The following DYM variants were observed in gnomAD, a reference collection of about 807,000 sequenced individuals.
DYM encodes the protein dyggve-Melchior-Clausen syndrome protein.
DYM carries 78 observed loss-of-function variants against 93.1 expected under a neutral mutation model. That is an observed-to-expected ratio of 0.84 (90% confidence interval 0.70 to 1.01). DYM has a LOEUF of 1.01. Among genes scored for constraint, DYM ranks in the 50% least tolerant of loss-of-function variants. DYM has a pLI of 0.00. For missense variants in DYM, 789 were observed against 845.0 expected (o/e 0.93, Z 0.82); for synonymous variants, 321 against 319.7 (o/e 1.00, Z -0.04).
intron 1 of DYM, among the ~76,000 whole-genome samples, chr18:49,455,979 A>G (rs951042359): frequency 1.3e-5 from 2 of 151,660 alleles, no homozygotes; most frequent in African/African-American, 4.8e-5. Flanking sequence ...CTAATTCCCT[A>G]CCCAATCTCC....
At chr18:49,256,073 G>C (rs1158794634) in intron 13 of DYM, among the ~76,000 whole-genome samples, 1 of 114,614 alleles carries the variant, frequency 8.7e-6, no homozygotes, top group Non-Finnish European at 1.7e-5. Flanking sequence ...GACAGAGCGA[G>C]ACTCCATCTC....
intron 6 of DYM, among the ~76,000 whole-genome samples, chr18:49,347,084 T>A (rs1057336316): frequency 6.6e-6 from 1 of 152,202 alleles, no homozygotes; most frequent in African/African-American, 2.4e-5. Context: ...AAAATAGTTG[T>A]ATAGGTACTT....
chr18:49,448,128 T>C (rs2082254012), intron 1 of DYM, among the ~76,000 whole-genome samples: 1 of 152,234 alleles, frequency 6.6e-6, no homozygotes, highest in African/African-American at 2.4e-5. Flanking sequence ...GGCTTTATGC[T>C]GGTTCTGTAA....
At chr18:49,297,391 G>C (rs112184969) in intron 8 of DYM, among the ~76,000 whole-genome samples, 1,633 of 152,222 alleles carry the variant, frequency 0.011, 30 homozygotes, top group African/African-American at 0.038. Context: ...ATTAGAAGTT[G>C]GGATAGTGAT....
chr18:49,164,096 T>C (rs1490077095), intron 14 of DYM, among the ~76,000 whole-genome samples: 1 of 152,162 alleles, frequency 6.6e-6, no homozygotes, highest in Non-Finnish European at 1.5e-5. Context: ...ACCTGAGATG[T>C]AGACTATGAC....
At chr18:49,271,883 C>T (rs1043012756) in intron 11 of DYM, among the ~76,000 whole-genome samples, 1 of 151,246 alleles carries the variant, frequency 6.6e-6, no homozygotes, top group Non-Finnish European at 1.5e-5. Context: ...CAATTTCTGC[C>T]ACAATGAAAA....
intron 13 of DYM, among the ~76,000 whole-genome samples, chr18:49,213,771 T>G (rs1201470450): frequency 6.6e-6 from 1 of 152,198 alleles, no homozygotes; most frequent in Non-Finnish European, 1.5e-5. Context: ...AGAAAGCTCA[T>G]TAGTAGACCC....
At chr18:49,333,933 A>G in intron 6 of DYM, 80 bp from the exon 7 acceptor site, 1 of 1,401,926 alleles carries the variant, frequency 7.1e-7, no homozygotes, top group South Asian at 1.2e-5. Flanking sequence ...TATACATTTA[A>G]AAACTCAAAT....
intron 5 of DYM, among the ~76,000 whole-genome samples, chr18:49,369,012 A>AG (rs1327794015): frequency 2.6e-5 from 4 of 152,246 alleles, no homozygotes; most frequent in African/African-American, 9.6e-5. Flanking sequence ...TGCTGACTGA[A>AG]AGCGCGGTGT....
chr18:49,063,124 A>T (rs1167346484), intron 17 of DYM, among the ~76,000 whole-genome samples: 2 of 152,198 alleles, frequency 1.3e-5, no homozygotes, highest in Non-Finnish European at 2.9e-5. Context: ...AACAAATAAG[A>T]GAAAAAGCAC....
rs188901189 is a variant in DYM at position 49,420,292 on chromosome 18, C to G, written c.140+9963G>C. Among the ~76,000 whole-genome samples, 1,275 of 151,896 alleles carry G rather than the reference C, an allele frequency of 8.4e-3. 13 individuals carry two copies. Among genetic ancestry groups the G allele is most frequent in the Middle Eastern group, 0.071 (21 of 294 alleles). On this transcript the variant is annotated intron_variant, in intron 2 of 17. Coordinates refer to ENST00000675505, the MANE Select transcript of DYM (RefSeq NM_001353214.3). ...AAGTGACTCTCCTGCTTCAGCCTCC[C>G]GAGTAGCTGGGATTACAGGCGCCCG...
intron 1 of DYM, among the ~76,000 whole-genome samples, chr18:49,438,646 TC>T (rs575538508): frequency 0.015 from 2,216 of 152,162 alleles, 53 homozygotes; most frequent in African/African-American, 0.05. Flanking sequence ...GCCTAAGCCC[TC>T]ACTCCCACAG....
chr18:49,273,816 C>CTT lies in DYM; in HGVS notation c.1126-1515_1126-1514dup, dbSNP rs35929710. Among the ~76,000 whole-genome samples the CTT allele has an allele frequency of 9.0e-4, 124 of 137,288 alleles. 1 individual carries two copies. The East Asian group carries it at 0.01, about 11-fold the overall frequency. The allele number at this position is 137,288 out of a possible 152,430, so 90.1% of individuals were successfully genotyped here. ...CAACATGTGACTGTATATTTTATGCCTTTTTTTTTTTTTTTGGCTACGCCT... is the reference window on the plus strand; with the variant it reads ...CAACATGTGACTGTATATTTTATGCCTTTTTTTTTTTTTTTTTGGCTACGCCT... On this transcript the variant is annotated intron_variant, in intron 10 of 17. Transcript: ENST00000675505.
chr18:49,406,591 G>T (rs531013256), intron 2 of DYM, among the ~76,000 whole-genome samples: 1 of 152,136 alleles, frequency 6.6e-6, no homozygotes, highest in South Asian at 2.1e-4. Context: ...AAAGAAAGTG[G>T]CTATTACTTT....
At chr18:49,125,059 A>C (rs1244531891) in intron 15 of DYM, among the ~76,000 whole-genome samples, 1 of 152,200 alleles carries the variant, frequency 6.6e-6, no homozygotes, top group Non-Finnish European at 1.5e-5. Context: ...AGAGATCGAG[A>C]CCATCCTGGC....
intron 10 of DYM, among the ~76,000 whole-genome samples, chr18:49,273,606 C>T (rs2092027402): frequency 6.6e-6 from 1 of 152,088 alleles, no homozygotes; most frequent in South Asian, 2.1e-4. Context: ...GTTACAAGTG[C>T]CTGCAGTATT....
intron 17 of DYM, among the ~76,000 whole-genome samples, chr18:49,053,466 G>GA (rs931005994): frequency 3.1e-4 from 46 of 150,062 alleles, no homozygotes; most frequent in Non-Finnish European, 5.2e-4. Context: ...ATAGCAGATT[G>GA]AAAAAAAAAA....
At chr18:49,399,418 C>T (rs1290059948) in intron 2 of DYM, among the ~76,000 whole-genome samples, 1 of 152,162 alleles carries the variant, frequency 6.6e-6, no homozygotes, top group East Asian at 1.9e-4. Context: ...GAAAAGTATT[C>T]TAGACGGCTG....
intron 6 of DYM, among the ~76,000 whole-genome samples, chr18:49,360,279 G>T (rs908705683): frequency 6.8e-6 from 1 of 147,670 alleles, no homozygotes; most frequent in African/African-American, 2.5e-5. Flanking sequence ...AAAAAAGCGT[G>T]TACTCATTTA....
Sources: allele counts gnomAD v4.1 joint callset (sites outside exome capture counted in the v4.1 genomes callset), GRCh38; gene constraint gnomAD v4.1.1; transcripts MANE v1.5; gene names NCBI Gene and HGNC (gene_info 2026-07-23, HGNC 2026-07-21).